The following SMAD6 variants were observed in gnomAD, a reference collection of about 807,000 sequenced individuals.
SMAD6 encodes the protein SMAD family member 6.
Under a neutral mutation model 39.4 loss-of-function variants are expected in SMAD6, and 103 were observed. That is an observed-to-expected ratio of 2.62 (90% CI 2.23 to 3.08). The LOEUF (loss-of-function observed/expected upper bound fraction) is 3.08, where lower values mean the gene tolerates loss of function less well. SMAD6 is among the 30% of genes most tolerant of loss of function. The probability of loss-of-function intolerance (pLI) is 0.00; values close to 1 mark genes in which losing one functional copy is unlikely to be tolerated. For missense variants in SMAD6, 1,104 were observed against 742.9 expected, an observed-to-expected ratio of 1.49 and a Z score of -5.65; for synonymous variants, 445 against 353.3, an observed-to-expected ratio of 1.26 and a Z score of -2.91.
At chr15:66,764,202 C>T (rs1894252524) in intron 3 of SMAD6, among the ~76,000 whole-genome samples, 1 of 152,096 alleles carries the variant, frequency 6.6e-6, no homozygotes, top group African/African-American at 2.4e-5. Flanking sequence ...CAGATAAGAG[C>T]GATTTGTAAT....
At chr15:66,735,134 AC>A (rs1335241596) in intron 3 of SMAD6, among the ~76,000 whole-genome samples, 3 of 152,228 alleles carry the variant, frequency 2.0e-5, no homozygotes, top group African/African-American at 7.2e-5. Context: ...ATGCCAGGAC[AC>A]CATCCCAGAG....
At chr15:66,765,867 A>T (rs1480321509) in intron 3 of SMAD6, among the ~76,000 whole-genome samples, 1 of 152,180 alleles carries the variant, frequency 6.6e-6, no homozygotes, top group Non-Finnish European at 1.5e-5. Context: ...GTTGTGCGAC[A>T]CTTGATGTAA....
chr15:66,710,289 G>A (rs1293616076), intron 1 of SMAD6, among the ~76,000 whole-genome samples: 3 of 152,206 alleles, frequency 2.0e-5, no homozygotes, highest in Non-Finnish European at 4.4e-5. Flanking sequence ...AATTGAAAGT[G>A]ATTGGCATGG....
chr15:66,720,072 G>A (rs570941524), intron 3 of SMAD6, among the ~76,000 whole-genome samples: 1 of 152,304 alleles, frequency 6.6e-6, no homozygotes, highest in East Asian at 1.9e-4. Flanking sequence ...TTCAGGGCGT[G>A]GGGTGCTGTC....
rs972680997 is a variant in SMAD6 at position 66,747,813 on chromosome 15, A to C, written c.952+31315A>C. Among the ~76,000 whole-genome samples the C allele has an allele frequency of 1.3e-5, 2 of 152,178 alleles. No homozygotes were observed. Among genetic ancestry groups the C allele is most frequent in the African/African-American group, 4.8e-5 (2 of 41,448 alleles). ...TGTGGTGGTTACTTATGCTCTGGCC[A>C]CCATTTCGTCAGGACTGACAGCAGC... is the stretch of plus-strand genomic sequence containing the variant. On this transcript the variant is annotated intron_variant, in intron 3 of 3. Transcript: ENST00000288840. This position sits in a 1 kb window ranked among gnomAD's most constrained non-coding sequence, Gnocchi z 4.5.
In SMAD6 at chr15:66,780,978, C is replaced by G. The variant is rs1253173437; in HGVS notation, c.953-19C>G. 41 of 1,542,482 alleles carry G rather than the reference C, an allele frequency of 2.7e-5. No homozygotes were observed. The highest frequency in any genetic ancestry group is 3.5e-5 in the Non-Finnish European group (40 of 1,147,564). Reference sequence around the variant, plus strand: ...TCCCCACCCAGAATAACGCGGCGGTCCCTGTGCTTGTCCCGCAGACGCCAG... The same window carrying G: ...TCCCCACCCAGAATAACGCGGCGGTGCCTGTGCTTGTCCCGCAGACGCCAG... On this transcript the variant is annotated intron_variant, in intron 3 of 3. Coordinates refer to ENST00000288840, the MANE Select transcript of SMAD6 (RefSeq NM_005585.5).
At chr15:66,717,689 G>A (rs1372977062) in intron 3 of SMAD6, among the ~76,000 whole-genome samples, 1 of 152,186 alleles carries the variant, frequency 6.6e-6, no homozygotes, top group Admixed American at 6.5e-5. Context: ...TATGACTGTT[G>A]CAGAGATGGG....
chr15:66,704,408 G>A (rs1037919520), intron 1 of SMAD6: 2 of 231,524 alleles, frequency 8.6e-6, no homozygotes, highest in Non-Finnish European at 1.7e-5. Flanking sequence ...CAAAGAAGTA[G>A]GTGCTATTTC....
intron 3 of SMAD6, chr15:66,741,096 G>C (rs946847510): frequency 6.6e-6 from 1 of 152,194 alleles, no homozygotes. Flanking sequence ...CTGCCTTCCG[G>C]CTGGAAATAA....
chr15:66,749,482 T>A lies in SMAD6; in HGVS notation c.953-31515T>A, dbSNP rs1893962639. Among the ~76,000 whole-genome samples the A allele has an allele frequency of 4.6e-5, 7 of 151,808 alleles. No individual in the cohort carries two copies. In the South Asian group the frequency reaches 1.5e-3, roughly 32 times the overall value. On this transcript the variant is annotated intron_variant, in intron 3 of 3. Coordinates refer to ENST00000288840, the MANE Select transcript of SMAD6 (RefSeq NM_005585.5). ...TCAAAAGAAACAAACAAACAAAAAT[T>A]AGGCAGGCGTCGTGGCATGCACCTA...
At position 66,703,497 on chromosome 15, in the gene SMAD6, C is replaced by G; in HGVS notation, c.239C>G (p.Ala80Gly). The G allele has an allele frequency of 3.3e-6, 4 of 1,228,424 alleles. No individual in the cohort carries two copies. Among genetic ancestry groups the G allele is most frequent in the Non-Finnish European group, 4.1e-6 (4 of 981,802 alleles). The allele number at this position is 1,228,424 out of a possible 1,614,324, so 76.1% of individuals were successfully genotyped here. A position where few individuals can be genotyped will look rare whatever the true frequency, so the allele number is the denominator to read the frequency against. Reference sequence around the variant, plus strand: ...GTGGGACAGCGAGGCGCCCAGGGCGCGGGGAGGCGCCGGCGCGCAGGGGGC... The same window carrying G: ...GTGGGACAGCGAGGCGCCCAGGGCGGGGGGAGGCGCCGGCGCGCAGGGGGC... ...DAVGQRGAQG[A>G]GRRRRAGGPP... Residue 80 changes from alanine (A) to glycine (G), a missense_variant, in exon 1 of 4, where the codon GCG becomes GGG. Ala to Gly is a moderately conservative substitution (Grantham distance 60). Coordinates refer to ENST00000288840, the MANE Select transcript of SMAD6 (RefSeq NM_005585.5).
chr15:66,710,294 G>GCATGGAGTGAGACACAACGTAGA (rs1401619624), intron 1 of SMAD6, among the ~76,000 whole-genome samples: 3 of 152,142 alleles, frequency 2.0e-5, no homozygotes, highest in Non-Finnish European at 4.4e-5. Flanking sequence ...AAAGTGATTG[G>GCATGGAGTGAGACACAACGTAGA]CATGGAGTGA....
At chr15:66,772,965 C>T (rs1894403534) in intron 3 of SMAD6, among the ~76,000 whole-genome samples, 1 of 152,206 alleles carries the variant, frequency 6.6e-6, no homozygotes, top group Non-Finnish European at 1.5e-5. Flanking sequence ...TTCTGTCATG[C>T]TGCCCTCCTG....
At chr15:66,739,189 C>T (rs551498194) in intron 3 of SMAD6, among the ~76,000 whole-genome samples, 13 of 151,484 alleles carry the variant, frequency 8.6e-5, no homozygotes, top group African/African-American at 3.2e-4. Context: ...CTCCCAGGTT[C>T]AAGTGATTCT....
At chr15:66,724,352 G>C (rs1041429667) in intron 3 of SMAD6, among the ~76,000 whole-genome samples, 1 of 152,172 alleles carries the variant, frequency 6.6e-6, no homozygotes, top group African/African-American at 2.4e-5. Context: ...AAGAGATCCA[G>C]AGAGAGCCCT....
At chr15:66,762,197 G>T (rs1894211873) in intron 3 of SMAD6, among the ~76,000 whole-genome samples, 1 of 152,234 alleles carries the variant, frequency 6.6e-6, no homozygotes, top group Non-Finnish European at 1.5e-5. Context: ...AAAAACAAGA[G>T]TCTCCCTGAT....
In SMAD6 at chr15:66,782,455, T is replaced by G. The variant is rs1399685143; in HGVS notation, c.*920T>G. ...TTGCAGAGAACCATCTCGAGCCCCGTAGATCTTTTTAGGACCTCCACAGGC... is the reference window on the plus strand; with the variant it reads ...TTGCAGAGAACCATCTCGAGCCCCGGAGATCTTTTTAGGACCTCCACAGGC... On this transcript the variant is annotated 3_prime_UTR_variant, in exon 4 of 4. Coordinates refer to ENST00000288840, the MANE Select transcript of SMAD6 (RefSeq NM_005585.5). 6.6e-6 allele frequency: 1 copy of G among 152,236 alleles called. No homozygotes were observed. Among genetic ancestry groups the G allele is most frequent in the African/African-American group, 2.4e-5 (1 of 41,464 alleles). The allele number at this position is 152,236 out of a possible 1,614,324, so 9.4% of individuals were successfully genotyped here.
intron 3 of SMAD6, among the ~76,000 whole-genome samples, chr15:66,723,485 G>A (rs1001231570): frequency 1.3e-5 from 2 of 152,012 alleles, no homozygotes; most frequent in African/African-American, 4.8e-5. Context: ...GAGACCAGCC[G>A]GGGGCAACAT....
intron 3 of SMAD6, among the ~76,000 whole-genome samples, chr15:66,737,951 C>T (rs183771027): frequency 1.3e-5 from 2 of 152,188 alleles, no homozygotes; most frequent in East Asian, 1.9e-4. Flanking sequence ...GGAGAGGGAA[C>T]CCTGGGGTAC....
Sources: allele counts gnomAD v4.1 joint callset (sites outside exome capture counted in the v4.1 genomes callset), GRCh38; gene constraint gnomAD v4.1.1; non-coding constraint Gnocchi (gnomAD v3.1); transcripts MANE v1.5; gene names NCBI Gene and HGNC (gene_info 2026-07-23, HGNC 2026-07-21).